Variants in CCNDBP1 observed in about 807,000 individuals in gnomAD.
CCNDBP1 encodes the protein cyclin-D1-binding protein 1.
Under a neutral mutation model 46.2 loss-of-function variants are expected in CCNDBP1, and 45 were observed. That is an observed-to-expected ratio of 0.97 (90% CI 0.77 to 1.25). The LOEUF (loss-of-function observed/expected upper bound fraction) is 1.25. CCNDBP1 is among the 50% of genes most tolerant of loss of function. The probability of loss-of-function intolerance (pLI) is 0.00; values close to 1 mark genes in which losing one functional copy is unlikely to be tolerated. For missense variants in CCNDBP1, 436 were observed against 442.1 expected (o/e 0.99, Z 0.12); for synonymous variants, 154 against 163.6 (o/e 0.94, Z 0.45).
chr15:43,189,125 A>G, intron 3 of CCNDBP1, 74 bp from the exon 4 acceptor site: 1 of 609,292 alleles, frequency 1.6e-6, no homozygotes, highest in Non-Finnish European at 2.8e-6. Context: ...GAAAAGAAAA[A>G]GAAAAGAAAT....
At chr15:43,185,950 G>A (rs552233862) in intron 2 of CCNDBP1, 71 bp downstream of exon 2, 2 of 1,470,356 alleles carry the variant, frequency 1.4e-6, no homozygotes, top group Admixed American at 1.9e-5. Flanking sequence ...TCCTCCCGCT[G>A]TCCCCCACGG....
chr15:43,194,009 T>C (rs1240473439), intron 9 of CCNDBP1: 1 of 356,478 alleles, frequency 2.8e-6, no homozygotes, highest in Non-Finnish European at 5.3e-6. Flanking sequence ...CGTCTCCATC[T>C]TATCCTTATA....
At chr15:43,186,379 T>C in intron 3 of CCNDBP1, 146 bp downstream of exon 3, 1 of 675,814 alleles carries the variant, frequency 1.5e-6, no homozygotes, top group Non-Finnish European at 2.5e-6. Flanking sequence ...CACAGGATTG[T>C]TGTGAAGACC....
chr15:43,193,519 A>G (rs2041993666), intron 9 of CCNDBP1, among the ~76,000 whole-genome samples: 1 of 152,098 alleles, frequency 6.6e-6, no homozygotes, highest in Non-Finnish European at 1.5e-5. Context: ...TGATTTCTAG[A>G]CAAGGCAGAA....
At chr15:43,185,784 C>A (rs1169026758) in intron 1 of CCNDBP1, 36 bp from the exon 2 acceptor site, 2 of 1,602,602 alleles carry the variant, frequency 1.2e-6, no homozygotes, top group African/African-American at 1.3e-5. Flanking sequence ...CTTTTCCATT[C>A]GCCACCGTTC....
At chr15:43,186,366 CT>C in intron 3 of CCNDBP1, 133 bp downstream of exon 3, 1 of 723,838 alleles carries the variant, frequency 1.4e-6, no homozygotes, top group African/African-American at 1.8e-5. Context: ...ACCGTTTTTA[CT>C]TCACAGGATT....
rs1157803925 is a variant in CCNDBP1 at position 43,192,732 on chromosome 15, T to A, written c.861-11T>A. 6.2e-7 allele frequency: 1 copy of A among 1,613,840 alleles called. No homozygotes were observed. Among genetic ancestry groups the A allele is most frequent in the Non-Finnish European group, 8.5e-7 (1 of 1,179,806 alleles). Reference sequence around the variant, plus strand: ...TTTTTGTTAATGATTACTTTTGTTTTCTGCTCTTAGTGTGGATGATTTGGC... The same window carrying A: ...TTTTTGTTAATGATTACTTTTGTTTACTGCTCTTAGTGTGGATGATTTGGC... On this transcript the variant is annotated splice_polypyrimidine_tract_variant and intron_variant, in intron 8 of 10. Coordinates refer to ENST00000300213, the MANE Select transcript of CCNDBP1 (RefSeq NM_012142.5).
At position 43,191,472 on chromosome 15, in the gene CCNDBP1, G is replaced by A. The variant is rs771268690; in HGVS notation, c.657G>A (p.Glu219=). The change falls in exon 8 of 11, where the codon GAG becomes GAA. Residue 219 remains glutamate, a synonymous_variant. Transcript: ENST00000300213. ...ACAACTCTGACAACCACAATCATGAGGATGATGTGTTGGGGTTTCCCAGCA... is the reference window on the plus strand; with the variant it reads ...ACAACTCTGACAACCACAATCATGAAGATGATGTGTTGGGGTTTCCCAGCA... ...EENNSDNHNH[E]DDVLGFPSNQ... is the part of the protein sequence containing the mutation. 5.0e-6 allele frequency: 8 copies of A among 1,613,510 alleles called. No individual in the cohort carries two copies. The Admixed American group carries it at 1.3e-4, about 27-fold the overall frequency.
At chr15:43,189,101 A>AAGAAG in intron 3 of CCNDBP1, 98 bp from the exon 4 acceptor site, 1 of 163,992 alleles carries the variant, frequency 6.1e-6, no homozygotes, top group Non-Finnish European at 1.1e-5. Context: ...AAAAAAAAAA[A>AAGAAG]AAAGAAAAAG....
In CCNDBP1 at chr15:43,191,483, TG is replaced by T; in HGVS notation, c.672del (p.Ser227AlafsTer15). 6.2e-7 allele frequency: 1 copy of T among 1,613,916 alleles called. No individual in the cohort carries two copies. The highest frequency in any genetic ancestry group is 1.1e-5 in the South Asian group (1 of 91,070). On this transcript the variant is annotated frameshift_variant, in exon 8 of 11. Transcript: ENST00000300213. LOFTEE classifies it high-confidence loss of function. Reference sequence around the variant, plus strand: ...AACCACAATCATGAGGATGATGTGTTGGGGTTTCCCAGCAATCAGGACTTGT... The same window carrying T: ...AACCACAATCATGAGGATGATGTGTTGGGTTTCCCAGCAATCAGGACTTGT... ...SDNHNHEDDVLGFPSNQDLYW... is the reference protein window; with the variant it reads ...SDNHNHEDDVXGFPSNQDLYW...
chr15:43,192,319 A>G (rs1410149629), intron 8 of CCNDBP1, among the ~76,000 whole-genome samples: 1 of 152,238 alleles, frequency 6.6e-6, no homozygotes, highest in East Asian at 1.9e-4. Context: ...TCATTTTATC[A>G]TATTAGGGAG....
chr15:43,194,123 T>G (rs1257726236), intron 9 of CCNDBP1: 2 of 361,108 alleles, frequency 5.5e-6, no homozygotes, highest in South Asian at 4.8e-5. Context: ...CTATCAGCAT[T>G]TGGGACCAAT....
intron 6 of CCNDBP1, 122 bp from the exon 7 acceptor site, chr15:43,190,844 G>T: frequency 1.4e-6 from 1 of 731,142 alleles, no homozygotes; most frequent in Non-Finnish European, 2.4e-6. Context: ...TATTAAACCC[G>T]CACCCTTGTC....
chr15:43,191,237 A>T (rs1202068472), intron 7 of CCNDBP1, among the ~76,000 whole-genome samples, 158 bp from the exon 8 acceptor site: 2 of 152,166 alleles, frequency 1.3e-5, no homozygotes, highest in African/African-American at 4.8e-5. Flanking sequence ...GGAGAGCGAG[A>T]ACAGGGTTTA....
chr15:43,194,848 A>G lies in CCNDBP1; in HGVS notation c.*7A>G, dbSNP rs1215451672. 1.9e-6 allele frequency: 3 copies of G among 1,557,098 alleles called. No homozygotes were observed. The highest frequency in any genetic ancestry group is 2.7e-5 in the African/African-American group (2 of 73,776). ...GAGTGAACTTGAATTATGACTTTTCAGGCTCATTTGTACTCTCTTCCCCTC... is the reference window on the plus strand; with the variant it reads ...GAGTGAACTTGAATTATGACTTTTCGGGCTCATTTGTACTCTCTTCCCCTC... On this transcript the variant is annotated 3_prime_UTR_variant, in exon 11 of 11. Transcript: ENST00000300213.
Position 43,196,441 on chromosome 15 carries a change from CCAT to C in CCNDBP1, c.*1601_*1603del, listed in dbSNP as rs2042039283. The C allele has an allele frequency of 6.6e-6, 1 of 151,958 alleles. No individual in the cohort carries two copies. Among genetic ancestry groups the C allele is most frequent in the African/African-American group, 2.4e-5 (1 of 41,356 alleles). 9.4% of individuals were successfully genotyped at this position (151,958 alleles called of 1,614,324 possible). A position where few individuals can be genotyped will look rare whatever the true frequency, so the allele number is the denominator to read the frequency against. On this transcript the variant is annotated 3_prime_UTR_variant, in exon 11 of 11. Coordinates refer to ENST00000300213, the MANE Select transcript of CCNDBP1 (RefSeq NM_012142.5). Reference sequence around the variant, plus strand: ...TAGCTGGGACTACAGATGCACACCACCATGTCCAGCTAATTTTTGTATTTTTAG... The same window carrying C: ...TAGCTGGGACTACAGATGCACACCACGTCCAGCTAATTTTTGTATTTTTAG...
intron 3 of CCNDBP1, chr15:43,188,783 A>ATT (rs1249321319): frequency 1.3e-5 from 2 of 158,434 alleles, no homozygotes; most frequent in Non-Finnish European, 2.8e-5. Flanking sequence ...TGCTGTAGAA[A>ATT]TATCTGCCCT....
Position 43,195,930 on chromosome 15 carries a change from C to T in CCNDBP1, c.*1089C>T, listed in dbSNP as rs1172778425. ...AGTTTTAGCTTACTGTTTTGAAGTGCCATTTTGTATTGTTAACAAGTGTCA... is the reference window on the plus strand; with the variant it reads ...AGTTTTAGCTTACTGTTTTGAAGTGTCATTTTGTATTGTTAACAAGTGTCA... On this transcript the variant is annotated 3_prime_UTR_variant, in exon 11 of 11. Transcript: ENST00000300213. 3.9e-5 allele frequency: 6 copies of T among 152,074 alleles called. No individual in the cohort carries two copies. The highest frequency in any genetic ancestry group is 5.9e-5 in the Non-Finnish European group (4 of 68,010). 9.4% of individuals were successfully genotyped at this position (152,074 alleles called of 1,614,324 possible).
At chr15:43,189,898 CA>C in intron 4 of CCNDBP1, 156 bp from the exon 5 acceptor site, 1 of 596,084 alleles carries the variant, frequency 1.7e-6, no homozygotes, top group East Asian at 2.9e-5. Context: ...AAGAAAATGC[CA>C]TGGGGATATA....
Sources: gnomAD v4.1 joint callset for allele counts (sites outside exome capture counted in the v4.1 genomes callset) on GRCh38, gnomAD v4.1.1 for gene constraint, MANE v1.5 for transcripts, NCBI Gene and HGNC (gene_info 2026-07-23, HGNC 2026-07-21) for gene names.